Variants in DLGAP1 observed in about 807,000 individuals in gnomAD.
DLGAP1 encodes the protein disks large-associated protein 1.
In DLGAP1, 11 loss-of-function variants were observed where a neutral mutation model predicts 90.8. The observed-to-expected ratio is 0.12, with a 90% confidence interval of 0.08 to 0.20. The LOEUF (loss-of-function observed/expected upper bound fraction) is 0.20, where lower values mean the gene tolerates loss of function less well. Ranked by LOEUF, DLGAP1 falls within the 10% of genes least tolerant of loss-of-function variation. The pLI, the probability that DLGAP1 is intolerant of heterozygous loss-of-function variation, is 1.00. For synonymous variants in DLGAP1, 558 were observed against 540.7 expected (o/e 1.03, Z -0.44); for missense variants, 1,050 against 1,333.8 (o/e 0.79, Z 3.31).
At chr18:4,303,221 T>C (rs2080169547) in intron 1 of DLGAP1, among the ~76,000 whole-genome samples, 1 of 152,206 alleles carries the variant, frequency 6.6e-6, no homozygotes, top group Non-Finnish European at 1.5e-5. Flanking sequence ...AATGTGTGGC[T>C]TCTGTTAATT....
At chr18:3,928,492 C>T (rs28514629) in intron 3 of DLGAP1, among the ~76,000 whole-genome samples, 21,854 of 152,040 alleles carry the variant, frequency 0.14, 1,651 homozygotes, top group Middle Eastern at 0.19. Context: ...AGAAAATATA[C>T]TAATAATTTA....
At chr18:4,237,702 G>A (rs2078448722) in intron 1 of DLGAP1, among the ~76,000 whole-genome samples, 1 of 151,264 alleles carries the variant, frequency 6.6e-6, no homozygotes, top group African/African-American at 2.4e-5. Context: ...AAAAAAAAAA[G>A]GAAGCAATTT....
intron 1 of DLGAP1, among the ~76,000 whole-genome samples, chr18:4,356,169 T>A (rs1345850569): frequency 6.6e-6 from 1 of 152,032 alleles, no homozygotes; most frequent in African/African-American, 2.4e-5. Flanking sequence ...TCTCCCGATT[T>A]TTTTTTTCCT....
chr18:3,993,222 G>A (rs2149056268), intron 3 of DLGAP1: 1 of 152,062 alleles, frequency 6.6e-6, no homozygotes, highest in African/African-American at 2.4e-5. Context: ...CAACAGCATA[G>A]GGGAAAGAAA....
intron 3 of DLGAP1, among the ~76,000 whole-genome samples, chr18:3,957,480 C>T (rs2073105791): frequency 6.6e-6 from 1 of 152,178 alleles, no homozygotes; most frequent in South Asian, 2.1e-4. Flanking sequence ...GAAATTAATA[C>T]ACTTACATTC....
intron 1 of DLGAP1, among the ~76,000 whole-genome samples, chr18:4,338,220 C>T (rs1231250463): frequency 2.6e-5 from 4 of 152,106 alleles, no homozygotes; most frequent in Non-Finnish European, 5.9e-5. Flanking sequence ...AAAGAAATTA[C>T]ATTTTTACTG....
intron 1 of DLGAP1, among the ~76,000 whole-genome samples, chr18:4,346,196 A>G (rs2081299725): frequency 6.6e-6 from 1 of 152,204 alleles, no homozygotes; most frequent in Non-Finnish European, 1.5e-5. Context: ...AGGCTAGCTT[A>G]GTCATCAAGA....
chr18:3,733,972 G>A (rs1717205223), intron 6 of DLGAP1, among the ~76,000 whole-genome samples: 1 of 152,146 alleles, frequency 6.6e-6, no homozygotes. Flanking sequence ...ATTCTTTAAA[G>A]TCTTGTAATT....
intron 2 of DLGAP1, among the ~76,000 whole-genome samples, chr18:4,033,190 T>C (rs1290413315): frequency 6.6e-6 from 1 of 152,146 alleles, no homozygotes; most frequent in Non-Finnish European, 1.5e-5. Flanking sequence ...TATTTTTAAT[T>C]TCATATGATA....
At chr18:3,741,088 TCAC>T (rs1568048256) in intron 6 of DLGAP1, among the ~76,000 whole-genome samples, 36 of 45,808 alleles carry the variant, frequency 7.9e-4, no homozygotes, top group Non-Finnish European at 9.5e-4. Flanking sequence ...ACCATCACCA[TCAC>T]CACCACCACC....
intron 1 of DLGAP1, among the ~76,000 whole-genome samples, chr18:4,435,596 T>C (rs1212569054): frequency 6.6e-6 from 1 of 152,210 alleles, no homozygotes; most frequent in African/African-American, 2.4e-5. Flanking sequence ...AGGGCACTGA[T>C]GTAAAATCAC....
At chr18:3,629,460 A>G (rs1436596526) in intron 7 of DLGAP1, among the ~76,000 whole-genome samples, 2 of 152,034 alleles carry the variant, frequency 1.3e-5, no homozygotes, top group South Asian at 2.1e-4. Context: ...TCACGAGGTC[A>G]GGAGATCGAG....
At chr18:4,196,433 C>A (rs2144771882) in intron 1 of DLGAP1, among the ~76,000 whole-genome samples, 1 of 152,346 alleles carries the variant, frequency 6.6e-6, no homozygotes, top group East Asian at 1.9e-4. Flanking sequence ...AAGTTTCACA[C>A]AGTATTCATG....
chr18:3,998,832 C>T (rs1029595592), intron 3 of DLGAP1, among the ~76,000 whole-genome samples: 10 of 152,120 alleles, frequency 6.6e-5, no homozygotes, highest in Non-Finnish European at 1.5e-4. Context: ...GCTTAAGATA[C>T]TTTGCAGTTG....
intron 5 of DLGAP1, among the ~76,000 whole-genome samples, chr18:3,753,885 A>G (rs745529575): frequency 1.4e-4 from 22 of 152,238 alleles, no homozygotes; most frequent in Non-Finnish European, 2.9e-4. Flanking sequence ...GTCCTTGGGA[A>G]TCTGTGGGGG....
intron 5 of DLGAP1, among the ~76,000 whole-genome samples, chr18:3,759,948 G>A (rs375631893): frequency 1.8e-3 from 274 of 152,314 alleles, no homozygotes; most frequent in African/African-American, 6.2e-3. Flanking sequence ...CGGCCGGGGT[G>A]CCAGACACTC....
intron 7 of DLGAP1, among the ~76,000 whole-genome samples, chr18:3,584,838 A>G (rs1568244043): frequency 6.6e-6 from 1 of 152,014 alleles, no homozygotes. Flanking sequence ...TGCAGCCTCG[A>G]TCTCCTAGGC....
chr18:3,972,505 A>ACTCTCTCTCT (rs35860801), intron 3 of DLGAP1, among the ~76,000 whole-genome samples: 1 of 150,686 alleles, frequency 6.6e-6, no homozygotes, highest in Non-Finnish European at 1.5e-5. Flanking sequence ...ACACACACAC[A>ACTCTCTCTCT]CACTCTCTCT....
chr18:3,753,993 C>A (rs2063608041), intron 5 of DLGAP1, among the ~76,000 whole-genome samples: 1 of 152,094 alleles, frequency 6.6e-6, no homozygotes, highest in African/African-American at 2.4e-5. Flanking sequence ...GCACATCCTC[C>A]CATCTATTTT....
Sources: gnomAD v4.1 joint callset for allele counts (sites outside exome capture counted in the v4.1 genomes callset) on GRCh38, gnomAD v4.1.1 for gene constraint, MANE v1.5 for transcripts, NCBI Gene and HGNC (gene_info 2026-07-23, HGNC 2026-07-21) for gene names.